GTF2B: variants seen among roughly 807,000 people sequenced by gnomAD.
GTF2B encodes the protein transcription initiation factor IIB.
GTF2B carries 20 observed loss-of-function variants against 34.6 expected under a neutral mutation model. The observed-to-expected ratio is 0.58, with a 90% CI of 0.41 to 0.84. The LOEUF is 0.84. Ranked by LOEUF, GTF2B falls within the 40% of genes least tolerant of loss-of-function variation. The pLI is 0.00. For missense variants in GTF2B, 237 were observed against 393.3 expected, an observed-to-expected ratio of 0.60 and a Z score of 3.36; for synonymous variants, 142 against 132.4, an observed-to-expected ratio of 1.07 and a Z score of -0.50.
At chr1:88,884,113 C>T (rs576124247) in intron 2 of GTF2B, among the ~76,000 whole-genome samples, 12 of 150,944 alleles carry the variant, frequency 7.9e-5, no homozygotes, top group East Asian at 2.0e-4. Context: ...CTGCAAACTC[C>T]GCCTCCCAGG....
At chr1:88,880,968 C>T (rs1169019711) in intron 2 of GTF2B, among the ~76,000 whole-genome samples, 4 of 148,216 alleles carry the variant, frequency 2.7e-5, no homozygotes, top group African/African-American at 5.0e-5. Context: ...GAGATCATGC[C>T]ACTGCACTCC....
intron 5 of GTF2B, 57 bp downstream of exon 5, chr1:88,859,825 G>A: frequency 1.3e-6 from 2 of 1,513,796 alleles, no homozygotes; most frequent in Non-Finnish European, 1.8e-6. Context: ...GACAAAGTGA[G>A]ACCCTATCTC....
At chr1:88,853,916 T>C (rs984615026) in intron 6 of GTF2B, among the ~76,000 whole-genome samples, 1 of 152,114 alleles carries the variant, frequency 6.6e-6, no homozygotes, top group Non-Finnish European at 1.5e-5. Flanking sequence ...CAAGCAACAA[T>C]AAAAATGATT....
At chr1:88,879,411 T>G (rs1673884012) in intron 2 of GTF2B, among the ~76,000 whole-genome samples, 1 of 151,704 alleles carries the variant, frequency 6.6e-6, no homozygotes, top group Admixed American at 6.6e-5. Context: ...AAACCCCGTC[T>G]CTACTAAAAA....
At chr1:88,886,783 T>G (rs1200581769) in intron 2 of GTF2B, among the ~76,000 whole-genome samples, 1 of 150,266 alleles carries the variant, frequency 6.7e-6, no homozygotes, top group Non-Finnish European at 1.5e-5. Flanking sequence ...AATATATCTC[T>G]GAATAAGTTT....
At chr1:88,888,471 G>GA (rs1674125638) in intron 1 of GTF2B, among the ~76,000 whole-genome samples, 1 of 152,000 alleles carries the variant, frequency 6.6e-6, no homozygotes, top group African/African-American at 2.4e-5. Context: ...TTCCTCTAAG[G>GA]AAAGTATTTT....
chr1:88,857,375 G>C lies in GTF2B; in HGVS notation c.648C>G (p.Ser216=), dbSNP rs562867661. The C allele has an allele frequency of 1.9e-6, 3 of 1,612,952 alleles. No homozygotes were observed. In the Admixed American group the frequency reaches 5.0e-5, roughly 27 times the overall value. ...GAAGACAAAGGTTGGAACAGAACCT[G>C]GACATGAAGTCCCCAGTTGTAATCA... ...VDLITTGDFM[S]RFCSNLCLPK... Residue 216 remains serine, a synonymous_variant, in exon 6 of 7, where the codon TCC becomes TCG. Transcript: ENST00000370500.
At chr1:88,861,817 A>G (rs1165325438) in intron 3 of GTF2B, among the ~76,000 whole-genome samples, 3 of 152,206 alleles carry the variant, frequency 2.0e-5, no homozygotes, top group Non-Finnish European at 2.9e-5. Flanking sequence ...GGGTGACAGA[A>G]AGAGACCCTG....
intron 2 of GTF2B, among the ~76,000 whole-genome samples, chr1:88,881,794 T>C (rs948124261): frequency 1.3e-5 from 2 of 152,170 alleles, no homozygotes; most frequent in African/African-American, 4.8e-5. Flanking sequence ...AACATGGTGT[T>C]TGATACTAGT....
At chr1:88,855,616 G>C (rs1407799208) in intron 6 of GTF2B, among the ~76,000 whole-genome samples, 1 of 152,014 alleles carries the variant, frequency 6.6e-6, no homozygotes, top group Non-Finnish European at 1.5e-5. Context: ...GCCTCCCAAA[G>C]TGCTGGGATT....
chr1:88,879,090 T>C (rs924465505), intron 2 of GTF2B, among the ~76,000 whole-genome samples: 5 of 152,214 alleles, frequency 3.3e-5, no homozygotes, highest in African/African-American at 1.2e-4. Context: ...AATTGGTTCC[T>C]GAAGTATTAT....
intron 2 of GTF2B, among the ~76,000 whole-genome samples, chr1:88,870,061 G>A (rs1673653681): frequency 6.6e-6 from 1 of 152,068 alleles, no homozygotes; most frequent in Non-Finnish European, 1.5e-5. Context: ...CCGAGTAGCT[G>A]GGACTACAGG....
intron 2 of GTF2B, among the ~76,000 whole-genome samples, chr1:88,871,893 A>G (rs1327713517): frequency 3.3e-5 from 5 of 151,882 alleles, no homozygotes; most frequent in Non-Finnish European, 7.4e-5. Flanking sequence ...CACCACGCCC[A>G]GCTAATTTTT....
At chr1:88,855,414 G>A (rs985856997) in intron 6 of GTF2B, among the ~76,000 whole-genome samples, 1 of 146,512 alleles carries the variant, frequency 6.8e-6, no homozygotes, top group African/African-American at 2.6e-5. Flanking sequence ...GTACAGTGGT[G>A]CAATCTAGGC....
chr1:88,890,774 G>A (rs1674180608), intron 1 of GTF2B, among the ~76,000 whole-genome samples: 1 of 152,136 alleles, frequency 6.6e-6, no homozygotes, highest in South Asian at 2.1e-4. Flanking sequence ...TGCATTTCCT[G>A]TAGATATGAG....
chr1:88,891,429 C>T (rs1570742266), intron 1 of GTF2B, 54 bp downstream of exon 1: 5 of 1,483,964 alleles, frequency 3.4e-6, no homozygotes, highest in Non-Finnish European at 2.8e-6. Context: ...GCCTAAAAGC[C>T]GGCGGCGCTC....
In GTF2B at chr1:88,859,865, C is replaced by A; in HGVS notation, c.535+17G>T. ...AAACAAACAAACAAACACAAAAAAA[C>A]AAAGCTAAAAACTTACCTTTAAATG... is the stretch of plus-strand genomic sequence containing the variant. On this transcript the variant is annotated intron_variant, in intron 5 of 6. Transcript: ENST00000370500. 4 of 1,605,334 alleles carry A rather than the reference C, an allele frequency of 2.5e-6. No individual in the cohort carries two copies. The highest frequency in any genetic ancestry group is 2.2e-5 in the East Asian group (1 of 44,690).
rs762675715 is a variant in GTF2B at position 88,860,296 on chromosome 1, AG to A, written c.259-11del. Reference sequence around the variant, plus strand: ...TTGCAGCTCCTGTGCCCTATAAAACAGTTTTATAACTATGAAAAAATTTTTT... The same window carrying A: ...TTGCAGCTCCTGTGCCCTATAAAACATTTTATAACTATGAAAAAATTTTTT... On this transcript the variant is annotated splice_polypyrimidine_tract_variant and intron_variant, in intron 3 of 6. Transcript: ENST00000370500. The A allele has an allele frequency of 6.2e-7, 1 of 1,604,212 alleles. No homozygotes were observed. The highest frequency in any genetic ancestry group is 8.5e-7 in the Non-Finnish European group (1 of 1,176,518).
chr1:88,876,928 A>T (rs1673830525), intron 2 of GTF2B, among the ~76,000 whole-genome samples: 1 of 152,218 alleles, frequency 6.6e-6, no homozygotes, highest in Admixed American at 6.5e-5. Context: ...TACTAGGAGC[A>T]ATGGAGACAC....
Sources: allele counts gnomAD v4.1 joint callset (sites outside exome capture counted in the v4.1 genomes callset), GRCh38; gene constraint gnomAD v4.1.1; transcripts MANE v1.5; gene names NCBI Gene and HGNC (gene_info 2026-07-23, HGNC 2026-07-21).